The following DCC variants were observed in gnomAD, a reference collection of about 807,000 sequenced individuals.
The protein encoded by DCC is netrin receptor DCC.
In DCC, 58 loss-of-function variants were observed where a neutral mutation model predicts 172.5. The observed-to-expected ratio is 0.34, with a 90% confidence interval of 0.27 to 0.42. The LOEUF is 0.42. DCC is among the 10% of genes least tolerant of loss of function. DCC has a pLI of 1.00. For synonymous variants in DCC, 709 were observed against 644.5 expected, an observed-to-expected ratio of 1.10 and a Z score of -1.52; for missense variants, 1,740 against 1,791.0, an observed-to-expected ratio of 0.97 and a Z score of 0.51.
At chr18:52,985,016 T>C (rs2041269407) in intron 5 of DCC, among the ~76,000 whole-genome samples, 1 of 152,188 alleles carries the variant, frequency 6.6e-6, no homozygotes, top group East Asian at 1.9e-4. Context: ...CACCACTTAA[T>C]GTCCTATTAT....
At chr18:52,595,668 A>G (rs939039806) in intron 1 of DCC, among the ~76,000 whole-genome samples, 2 of 152,104 alleles carry the variant, frequency 1.3e-5, no homozygotes, top group Admixed American at 1.3e-4. Context: ...TCATCGCTCA[A>G]TGGGGTTTTC....
At chr18:53,524,578 GGAA>G (rs2046434611) in intron 27 of DCC, among the ~76,000 whole-genome samples, 1 of 151,930 alleles carries the variant, frequency 6.6e-6, no homozygotes, top group Admixed American at 6.6e-5. Flanking sequence ...TAAAAATATT[GGAA>G]TACAGTATTT....
chr18:52,355,593 C>T (rs1984326543), intron 1 of DCC, among the ~76,000 whole-genome samples: 1 of 152,140 alleles, frequency 6.6e-6, no homozygotes, highest in African/African-American at 2.4e-5. Context: ...GTTCATTCGA[C>T]AGATGTTTTT....
intron 1 of DCC, among the ~76,000 whole-genome samples, chr18:52,717,060 A>G (rs1484129358): frequency 6.6e-6 from 1 of 152,174 alleles, no homozygotes; most frequent in African/African-American, 2.4e-5. Context: ...GTATCAGACC[A>G]CATGAATGAA....
At chr18:53,208,456 A>T (rs1156627778) in intron 11 of DCC, among the ~76,000 whole-genome samples, 1 of 151,954 alleles carries the variant, frequency 6.6e-6, no homozygotes, top group South Asian at 2.1e-4. Context: ...TTTGATTGGC[A>T]TGTTTTATTC....
In DCC at chr18:53,391,801, T is replaced by C; in HGVS notation, c.2602T>C (p.Ser868Pro). ...DAVRVSWADN[S>P]VPKNQKTSEV... Reference sequence around the variant, plus strand: ...TGTGAGGGTCAGCTGGGCAGACAACTCTGTCCCTAAGAACCAAAAGACGTC... The same window carrying C: ...TGTGAGGGTCAGCTGGGCAGACAACCCTGTCCCTAAGAACCAAAAGACGTC... The change falls in exon 17 of 29, where the codon TCT (serine) becomes CCT (proline). Residue 868 changes from serine to proline, a missense_variant. Physicochemically the swap from Ser to Pro is moderately conservative, Grantham distance 74. Coordinates refer to ENST00000442544, the MANE Select transcript of DCC (RefSeq NM_005215.4). The C allele has an allele frequency of 6.2e-7, 1 of 1,614,100 alleles. No homozygotes were observed. The highest frequency in any genetic ancestry group is 1.1e-5 in the South Asian group (1 of 91,080).
chr18:53,329,986 G>T (rs1437784035), intron 14 of DCC, among the ~76,000 whole-genome samples: 2 of 152,082 alleles, frequency 1.3e-5, no homozygotes, highest in Admixed American at 1.3e-4. Context: ...TGAAACTATT[G>T]CCAGTACTTT....
chr18:52,784,333 A>G (rs937113866), intron 2 of DCC, among the ~76,000 whole-genome samples: 7 of 152,062 alleles, frequency 4.6e-5, no homozygotes, highest in Admixed American at 3.3e-4. Flanking sequence ...GGGTACTTAG[A>G]TTCCTATCTT....
At chr18:52,945,219 G>A (rs2145533843) in intron 5 of DCC, among the ~76,000 whole-genome samples, 1 of 152,032 alleles carries the variant, frequency 6.6e-6, no homozygotes, top group South Asian at 2.1e-4. Context: ...TATGAACTTA[G>A]GTTTTAACAA....
chr18:52,794,496 A>T (rs75878355), intron 2 of DCC, among the ~76,000 whole-genome samples: 2 of 152,082 alleles, frequency 1.3e-5, no homozygotes, highest in Admixed American at 6.5e-5. Context: ...TTGTTTTTGT[A>T]TATTACAAGT....
At chr18:52,494,264 A>ATGTGTGTGTGTGTGTGTGTGTG (rs10633986) in intron 1 of DCC, among the ~76,000 whole-genome samples, 59 of 147,536 alleles carry the variant, frequency 4.0e-4, no homozygotes, top group East Asian at 1.6e-3. Flanking sequence ...ATGGTTTGTG[A>ATGTGTGTGTGTGTGTGTGTGTG]TGTGTGTGTG....
intron 1 of DCC, among the ~76,000 whole-genome samples, chr18:52,651,230 A>G (rs1405284549): frequency 6.6e-6 from 1 of 152,198 alleles, no homozygotes; most frequent in Non-Finnish European, 1.5e-5. Flanking sequence ...TGGTACAAAC[A>G]TGGCTCACTG....
intron 2 of DCC, among the ~76,000 whole-genome samples, chr18:52,871,232 C>G (rs539567318): frequency 4.0e-4 from 61 of 152,302 alleles, no homozygotes; most frequent in Middle Eastern, 6.8e-3. Context: ...CAATCCCAAC[C>G]CCTCCACGGT....
At chr18:52,552,704 CA>C (rs761494095) in intron 1 of DCC, among the ~76,000 whole-genome samples, 2 of 151,636 alleles carry the variant, frequency 1.3e-5, no homozygotes, top group South Asian at 4.1e-4. Flanking sequence ...TGGCTTAAGG[CA>C]AAAAAATTGT....
intron 1 of DCC, among the ~76,000 whole-genome samples, chr18:52,718,386 T>A (rs2036422321): frequency 6.6e-6 from 1 of 152,182 alleles, no homozygotes; most frequent in South Asian, 2.1e-4. Flanking sequence ...AAAAATCAAA[T>A]TTGGTTTAAG....
intron 27 of DCC, among the ~76,000 whole-genome samples, chr18:53,507,947 G>A (rs1300736354): frequency 6.8e-6 from 1 of 146,814 alleles, no homozygotes; most frequent in East Asian, 2.0e-4. Context: ...AGGCTGGAGT[G>A]CAGTGGTGCA....
intron 1 of DCC, among the ~76,000 whole-genome samples, chr18:52,662,802 G>T (rs2035386321): frequency 6.6e-6 from 1 of 152,130 alleles, no homozygotes; most frequent in South Asian, 2.1e-4. Flanking sequence ...TGTTTCTAGA[G>T]GCTGGGAAGT....
At chr18:53,442,256 A>G (rs1912322916) in intron 22 of DCC, among the ~76,000 whole-genome samples, 1 of 152,230 alleles carries the variant, frequency 6.6e-6, no homozygotes, top group Non-Finnish European at 1.5e-5. Flanking sequence ...TGCATTGTGC[A>G]AGACTATTGG....
At chr18:53,154,579 G>T (rs1007469179) in intron 7 of DCC, among the ~76,000 whole-genome samples, 1 of 152,198 alleles carries the variant, frequency 6.6e-6, no homozygotes, top group Non-Finnish European at 1.5e-5. Flanking sequence ...AGGCAGAGGA[G>T]CTGGGGGACA....
Sources: allele counts gnomAD v4.1 joint callset (sites outside exome capture counted in the v4.1 genomes callset), GRCh38; gene constraint gnomAD v4.1.1; transcripts MANE v1.5; gene names NCBI Gene and HGNC (gene_info 2026-07-23, HGNC 2026-07-21).